UGT1A3: variants seen among roughly 807,000 people sequenced by gnomAD.
UGT1A3 encodes the protein UDP-glucuronosyltransferase 1A3.
UGT1A3 carries 31 observed loss-of-function variants against 41.0 expected under a neutral mutation model. The ratio of observed to expected loss-of-function variants is 0.76; its 90% CI spans 0.57 to 1.02. UGT1A3 has a LOEUF of 1.02. Among genes scored for constraint, UGT1A3 ranks in the 50% least tolerant of loss-of-function variants. The pLI is 0.00. For missense variants in UGT1A3, 737 were observed against 671.0 expected (o/e 1.10, Z -1.09); for synonymous variants, 262 against 257.6 (o/e 1.02, Z -0.17).
intron 1 of UGT1A3, among the ~76,000 whole-genome samples, chr2:233,735,518 T>G (rs2078663521): frequency 6.6e-6 from 1 of 152,220 alleles, no homozygotes; most frequent in South Asian, 2.1e-4. Context: ...ACATTTAAGG[T>G]AAATATTGTT....
chr2:233,743,851 C>T (rs375874968), intron 1 of UGT1A3: 40 of 1,367,126 alleles, frequency 2.9e-5, no homozygotes, highest in African/African-American at 2.2e-4. Flanking sequence ...GCTTGCGGTA[C>T]GCCTTCTTGA....
chr2:233,767,810 T>C lies in UGT1A3; in HGVS notation c.1000-39T>C, dbSNP rs547285080. ...GCAGATTTGTTTTCTAATCATATTA[T>C]GTTCTTTCTTTACGTTCTGCTCTTT... On this transcript the variant is annotated intron_variant, in intron 2 of 4. Transcript: ENST00000482026. 20 of 1,614,194 alleles carry C rather than the reference T, an allele frequency of 1.2e-5. No homozygotes were observed. The South Asian group carries it at 1.9e-4, about 15-fold the overall frequency.
intron 1 of UGT1A3, among the ~76,000 whole-genome samples, chr2:233,766,257 A>G (rs1699081687): frequency 1.3e-5 from 2 of 151,512 alleles, no homozygotes; most frequent in African/African-American, 2.4e-5. Context: ...CAGACCGCTC[A>G]GTGGCCCGGG....
chr2:233,737,988 G>A (rs1334321954), intron 1 of UGT1A3, among the ~76,000 whole-genome samples: 1 of 152,024 alleles, frequency 6.6e-6, no homozygotes, highest in African/African-American at 2.4e-5. Context: ...GTTTGGCTCT[G>A]TGTCCCCCAC....
Position 233,769,524 on chromosome 2 carries a change from C to T in UGT1A3, c.1307+1085C>T. On this transcript the variant is annotated intron_variant, in intron 4 of 4. Coordinates refer to ENST00000482026, the MANE Select transcript of UGT1A3 (RefSeq NM_019093.4). The surrounding 1 kb of genome is among the most constrained non-coding windows in gnomAD (Gnocchi z 4.4). ...CCATTGCTTTCTCCCATGGTTACCT[C>T]CTTTAGAAAGAAGCAGCAGTCAGGA... 1 of 1,612,860 alleles carries T rather than the reference C, an allele frequency of 6.2e-7. No homozygotes were observed.
At chr2:233,732,404 T>C (rs956543939) in intron 1 of UGT1A3, among the ~76,000 whole-genome samples, 10 of 152,268 alleles carry the variant, frequency 6.6e-5, no homozygotes, top group African/African-American at 2.2e-4. Flanking sequence ...GCCTAAATGA[T>C]ATTGCCTAGG....
chr2:233,742,737 C>A (rs1559386227), intron 1 of UGT1A3: 1 of 152,816 alleles, frequency 6.5e-6, no homozygotes, highest in Non-Finnish European at 1.5e-5. Flanking sequence ...ATTCAAATGT[C>A]TGACCTCCAA....
intron 1 of UGT1A3, chr2:233,744,012 G>C (rs541267003): frequency 9.2e-7 from 1 of 1,089,588 alleles, no homozygotes. Flanking sequence ...GACCTGGGCC[G>C]CCTGGAGAGA....
intron 1 of UGT1A3, chr2:233,747,152 G>T: frequency 1.3e-6 from 2 of 1,577,610 alleles, no homozygotes; most frequent in Non-Finnish European, 1.7e-6. Flanking sequence ...TTAAGATGAA[G>T]AAAACAAATG....
chr2:233,748,145 T>A, intron 1 of UGT1A3: 1 of 1,605,604 alleles, frequency 6.2e-7, no homozygotes, highest in Non-Finnish European at 8.5e-7. Flanking sequence ...TTGTATTTAC[T>A]TACAATTGCT....
At chr2:233,754,712 G>A (rs1446965337) in intron 1 of UGT1A3, 3 of 540,884 alleles carry the variant, frequency 5.5e-6, no homozygotes, top group East Asian at 1.4e-4. Context: ...TGGACTTGAA[G>A]CTGCCTGTCC....
intron 1 of UGT1A3, among the ~76,000 whole-genome samples, chr2:233,732,521 T>C (rs2078280152): frequency 6.6e-6 from 1 of 152,252 alleles, no homozygotes; most frequent in South Asian, 2.1e-4. Flanking sequence ...TCCAGCTTTC[T>C]ACATATGGCC....
rs561946796 is a variant in UGT1A3, at chr2:233,772,692, G to A, written c.*133G>A. Reference sequence around the variant, plus strand: ...TGCATAAATTAATCAGCCCCAGAGTGCTTTAAAAAATTCTCTTAAATAAAA... The same window carrying A: ...TGCATAAATTAATCAGCCCCAGAGTACTTTAAAAAATTCTCTTAAATAAAA... On this transcript the variant is annotated 3_prime_UTR_variant, in exon 5 of 5. Coordinates refer to ENST00000482026, the MANE Select transcript of UGT1A3 (RefSeq NM_019093.4). 1.0e-4 allele frequency: 156 copies of A among 1,485,828 alleles called. No homozygotes were observed. In the South Asian group the frequency reaches 1.7e-3, roughly 16 times the overall value. 92.0% of individuals were successfully genotyped at this position (1,485,828 alleles called of 1,614,324 possible). A position where few individuals can be genotyped will look rare whatever the true frequency, so the allele number is the denominator to read the frequency against.
At chr2:233,770,709 G>A (rs1700141819) in intron 4 of UGT1A3, 2 of 151,546 alleles carry the variant, frequency 1.3e-5, no homozygotes, top group East Asian at 3.9e-4. Context: ...TAAGGTTTAT[G>A]TAAAAGGAAG....
intron 1 of UGT1A3, among the ~76,000 whole-genome samples, chr2:233,744,175 A>C (rs1324245746): frequency 1.3e-5 from 2 of 151,870 alleles, no homozygotes; most frequent in African/African-American, 4.9e-5. Flanking sequence ...TCCGGCCTCC[A>C]ACCAGCCATG....
At chr2:233,767,974 G>A (rs1338835560) in intron 3 of UGT1A3, 38 bp downstream of exon 3, 1 of 1,613,994 alleles carries the variant, frequency 6.2e-7, no homozygotes, top group Non-Finnish European at 8.5e-7. Context: ...TCAAACCAGG[G>A]TCAAATTAAG....
At chr2:233,755,174 G>C (rs868590389) in intron 1 of UGT1A3, 4 of 1,248,738 alleles carry the variant, frequency 3.2e-6, no homozygotes, top group African/African-American at 3.0e-5. Flanking sequence ...GGTTTTTGTC[G>C]GGGTGCCACT....
chr2:233,756,775 T>G (rs1301399091), intron 1 of UGT1A3, among the ~76,000 whole-genome samples: 1 of 152,128 alleles, frequency 6.6e-6, no homozygotes, highest in Admixed American at 6.5e-5. Context: ...TTCTTTGCTT[T>G]GATAAATTGT....
chr2:233,755,044 C>T (rs1695716601), intron 1 of UGT1A3: 3 of 1,324,814 alleles, frequency 2.3e-6, no homozygotes, highest in East Asian at 4.6e-5. Flanking sequence ...CCTGCGCAGC[C>T]GCCCTCCGCC....
Sources: gnomAD v4.1 joint callset for allele counts (sites outside exome capture counted in the v4.1 genomes callset) on GRCh38, gnomAD v4.1.1 for gene constraint, Gnocchi (gnomAD v3.1) non-coding constraint, MANE v1.5 for transcripts, NCBI Gene and HGNC (gene_info 2026-07-23, HGNC 2026-07-21) for gene names.